KCNQ5: variants seen among roughly 807,000 people sequenced by gnomAD.
The protein encoded by KCNQ5 is potassium voltage-gated channel subfamily Q member 5.
In KCNQ5, 30 loss-of-function variants were observed where a neutral mutation model predicts 98.2. The observed-to-expected ratio is 0.31, with a 90% confidence interval of 0.23 to 0.41. The LOEUF (loss-of-function observed/expected upper bound fraction) is 0.41. Ranked by LOEUF, KCNQ5 falls within the 10% of genes least tolerant of loss-of-function variation. The pLI, the probability that KCNQ5 is intolerant of heterozygous loss-of-function variation, is 1.00. For synonymous variants in KCNQ5, 458 were observed against 449.4 expected, an observed-to-expected ratio of 1.02 and a Z score of -0.24; for missense variants, 835 against 1,182.5, an observed-to-expected ratio of 0.71 and a Z score of 4.31.
At chr6:72,739,197 C>T (rs1169640961) in intron 1 of KCNQ5, among the ~76,000 whole-genome samples, 2 of 151,782 alleles carry the variant, frequency 1.3e-5, no homozygotes, top group South Asian at 2.1e-4. Context: ...TTGCTGTGGA[C>T]CTAAAAGTGC....
Position 72,622,689 on chromosome 6 carries a change from C to A in KCNQ5, c.398+102C>A. 1.5e-6 allele frequency: 2 copies of A among 1,312,646 alleles called. No individual in the cohort carries two copies. Among genetic ancestry groups the A allele is most frequent in the Non-Finnish European group, 2.1e-6 (2 of 948,128 alleles). 81.3% of individuals were successfully genotyped at this position (1,312,646 alleles called of 1,614,324 possible). ...GCGCCCTTGGGCCCCCGCGCGCGTGCACACGTGGTGGCTTTTATTTCTTCG... is the reference window on the plus strand; with the variant it reads ...GCGCCCTTGGGCCCCCGCGCGCGTGAACACGTGGTGGCTTTTATTTCTTCG... On this transcript the variant is annotated intron_variant, in intron 1 of 13. Transcript: ENST00000370398. The surrounding 1 kb of genome is among the most constrained non-coding windows in gnomAD (Gnocchi z 6.0).
chr6:72,708,824 C>CT (rs113215587), intron 1 of KCNQ5, among the ~76,000 whole-genome samples: 20 of 150,376 alleles, frequency 1.3e-4, no homozygotes, highest in South Asian at 6.4e-4. Flanking sequence ...CCCACAAATA[C>CT]TTTTTTTTTT....
rs1449399857 is a variant in KCNQ5, at chr6:73,124,970, TATATATATATAC to T, written c.1247+460_1247+471del. Among the ~76,000 whole-genome samples, 55 of 19,766 alleles carry T rather than the reference TATATATATATAC, an allele frequency of 2.8e-3. 1 individual carries two copies. The highest frequency in any genetic ancestry group is 0.028 in the Middle Eastern group (1 of 36). 13.0% of individuals were successfully genotyped at this position (19,766 alleles called of 152,430 possible). A position where few individuals can be genotyped will look rare whatever the true frequency, so the allele number is the denominator to read the frequency against. ...ATATATATATATATATATATATATA[TATATATATATAC>T]ACACACACACATATATATATCATAT... On this transcript the variant is annotated intron_variant, in intron 9 of 13. Coordinates refer to ENST00000370398, the MANE Select transcript of KCNQ5 (RefSeq NM_019842.4).
chr6:72,965,937 C>T (rs1361604236), intron 1 of KCNQ5, among the ~76,000 whole-genome samples: 1 of 152,068 alleles, frequency 6.6e-6, no homozygotes, highest in Non-Finnish European at 1.5e-5. Flanking sequence ...GCAGATCAAC[C>T]TCTTGGTTTT....
At chr6:72,847,024 T>C (rs1777050952) in intron 1 of KCNQ5, among the ~76,000 whole-genome samples, 1 of 152,162 alleles carries the variant, frequency 6.6e-6, no homozygotes, top group African/African-American at 2.4e-5. Flanking sequence ...AGGGGATATA[T>C]GGGTTGAAAT....
intron 1 of KCNQ5, among the ~76,000 whole-genome samples, chr6:72,623,391 A>AGAGTGTGTGTGT (rs1554678872): frequency 1.4e-5 from 2 of 143,040 alleles, no homozygotes; most frequent in African/African-American, 5.3e-5. Context: ...GGAGTCAAAG[A>AGAGTGTGTGTGT]GTGTGTGTGT....
chr6:72,858,828 G>A (rs764621852), intron 1 of KCNQ5, among the ~76,000 whole-genome samples: 1 of 152,002 alleles, frequency 6.6e-6, no homozygotes, highest in Non-Finnish European at 1.5e-5. Context: ...ACATTCAAAA[G>A]AGCATAAAAA....
chr6:72,710,595 A>G (rs146329131), intron 1 of KCNQ5, among the ~76,000 whole-genome samples: 13 of 152,320 alleles, frequency 8.5e-5, no homozygotes, highest in African/African-American at 2.9e-4. Flanking sequence ...AGAGACAAAG[A>G]AGGCTATTAT....
intron 11 of KCNQ5, among the ~76,000 whole-genome samples, chr6:73,184,805 A>G (rs901257814): frequency 6.6e-6 from 1 of 152,198 alleles, no homozygotes; most frequent in Non-Finnish European, 1.5e-5. Context: ...ATCCTGATGA[A>G]TGAGCACTTT....
At chr6:72,963,493 C>T (rs1196895536) in intron 1 of KCNQ5, among the ~76,000 whole-genome samples, 1 of 152,044 alleles carries the variant, frequency 6.6e-6, no homozygotes, top group Non-Finnish European at 1.5e-5. Flanking sequence ...CAATTGATAT[C>T]TGCATTTCTA....
At chr6:72,792,330 G>C (rs879662406) in intron 1 of KCNQ5, among the ~76,000 whole-genome samples, 1 of 151,840 alleles carries the variant, frequency 6.6e-6, no homozygotes, top group Non-Finnish European at 1.5e-5. Flanking sequence ...TTCTGCTTTG[G>C]TAGGATCTTG....
rs920125192 is a variant in KCNQ5, at chr6:72,810,437, T to C, written c.398+187850T>C. Among the ~76,000 whole-genome samples, 5 of 152,226 alleles carry C rather than the reference T, an allele frequency of 3.3e-5. No homozygotes were observed. In the South Asian group the frequency reaches 1.0e-3, roughly 31 times the overall value. ...ATGTGGTATGTTGCTGGGACTAGCT[T>C]TCCTGTGAGGATTGGAGAACCAGGA... On this transcript the variant is annotated intron_variant, in intron 1 of 13. Coordinates refer to ENST00000370398, the MANE Select transcript of KCNQ5 (RefSeq NM_019842.4).
chr6:72,622,118 C>G lies in KCNQ5; in HGVS notation c.-72C>G. 1 of 1,191,458 alleles carries G rather than the reference C, an allele frequency of 8.4e-7. No individual in the cohort carries two copies. Among genetic ancestry groups the G allele is most frequent in the Non-Finnish European group, 1.0e-6 (1 of 957,688 alleles). 73.8% of individuals were successfully genotyped at this position (1,191,458 alleles called of 1,614,324 possible). ...GGCCGCCGGCTTCCTCCTTGAAACC[C>G]GCCGGCGCACATGAGGCCGCTGCCC... On this transcript the variant is annotated 5_prime_UTR_variant, in exon 1 of 14. Transcript: ENST00000370398. This position sits in a 1 kb window ranked among gnomAD's most constrained non-coding sequence, Gnocchi z 6.0.
intron 1 of KCNQ5, among the ~76,000 whole-genome samples, chr6:72,714,887 C>G (rs1769565434): frequency 6.6e-6 from 1 of 151,966 alleles, no homozygotes; most frequent in Non-Finnish European, 1.5e-5. Context: ...TTAGAATAAA[C>G]AAATTAATGC....
chr6:72,845,174 G>A (rs1010909594), intron 1 of KCNQ5, among the ~76,000 whole-genome samples: 1 of 152,160 alleles, frequency 6.6e-6, no homozygotes, highest in Non-Finnish European at 1.5e-5. Context: ...CAGGTGCACT[G>A]TTTATTTGCA....
chr6:72,756,936 G>A (rs1239809317), intron 1 of KCNQ5, among the ~76,000 whole-genome samples: 2 of 151,902 alleles, frequency 1.3e-5, no homozygotes, highest in African/African-American at 4.8e-5. Flanking sequence ...CATAGTTTTA[G>A]GATTCTCTAC....
chr6:72,695,620 G>A (rs535511695), intron 1 of KCNQ5, among the ~76,000 whole-genome samples: 1 of 152,080 alleles, frequency 6.6e-6, no homozygotes, highest in East Asian at 1.9e-4. Flanking sequence ...GCATGACTGT[G>A]TTTATAATAT....
chr6:73,048,473 C>T (rs1772071228), intron 3 of KCNQ5, among the ~76,000 whole-genome samples: 1 of 152,070 alleles, frequency 6.6e-6, no homozygotes, highest in African/African-American at 2.4e-5. Context: ...CCTCTGCTAC[C>T]CTGAATCAAG....
intron 10 of KCNQ5, among the ~76,000 whole-genome samples, chr6:73,138,334 G>A (rs559738715): frequency 6.6e-6 from 1 of 152,354 alleles, no homozygotes; most frequent in Non-Finnish European, 1.5e-5. Context: ...AGAGCTAGGA[G>A]AAAATCTTCG....
Sources: allele counts gnomAD v4.1 joint callset (sites outside exome capture counted in the v4.1 genomes callset), GRCh38; gene constraint gnomAD v4.1.1; non-coding constraint Gnocchi (gnomAD v3.1); transcripts MANE v1.5; gene names NCBI Gene and HGNC (gene_info 2026-07-23, HGNC 2026-07-21).